MTUS1: variants seen among roughly 807,000 people sequenced by gnomAD.
MTUS1 encodes microtubule-associated tumor suppressor 1.
MTUS1 carries 109 observed loss-of-function variants against 120.8 expected under a neutral mutation model. The observed-to-expected ratio is 0.90, with a 90% CI of 0.77 to 1.06. The LOEUF (loss-of-function observed/expected upper bound fraction) is 1.06. Among genes scored for constraint, MTUS1 ranks in the 50% least tolerant of loss-of-function variants. MTUS1 has a pLI of 0.00. For missense variants in MTUS1, 2,210 were observed against 1,486.3 expected, an observed-to-expected ratio of 1.49 and a Z score of -8.01; for synonymous variants, 737 against 550.5, an observed-to-expected ratio of 1.34 and a Z score of -4.74.
intron 8 of MTUS1, among the ~76,000 whole-genome samples, chr8:17,657,349 A>G (rs1425204121): frequency 1.3e-5 from 2 of 151,608 alleles, no homozygotes; most frequent in Admixed American, 6.6e-5. Context: ...CGGGCGGATC[A>G]CGAGGTCAGG....
chr8:17,698,430 A>C (rs1818397000), intron 6 of MTUS1, among the ~76,000 whole-genome samples: 1 of 152,202 alleles, frequency 6.6e-6, no homozygotes, highest in African/African-American at 2.4e-5. Context: ...ATAAGAATTA[A>C]CAACAACAAT....
intron 7 of MTUS1, among the ~76,000 whole-genome samples, chr8:17,677,246 G>C (rs62496797): frequency 2.0e-5 from 3 of 152,064 alleles, no homozygotes; most frequent in Non-Finnish European, 2.9e-5. Context: ...AATACTTCTC[G>C]TAATATCAAA....
intron 3 of MTUS1, among the ~76,000 whole-genome samples, chr8:17,731,178 T>G (rs1481240129): frequency 1.3e-5 from 2 of 152,062 alleles, no homozygotes; most frequent in Admixed American, 6.6e-5. Flanking sequence ...ACATACTTAT[T>G]TGTGGTATTA....
At chr8:17,784,140 A>C (rs1213159887) in intron 1 of MTUS1, among the ~76,000 whole-genome samples, 1 of 152,186 alleles carries the variant, frequency 6.6e-6, no homozygotes, top group Non-Finnish European at 1.5e-5. Context: ...TCTCCTTTTG[A>C]TACTAACTTC....
At chr8:17,659,149 G>A (rs892987037) in intron 8 of MTUS1, among the ~76,000 whole-genome samples, 2 of 151,988 alleles carry the variant, frequency 1.3e-5, no homozygotes, top group Admixed American at 1.3e-4. Flanking sequence ...GGGTTTCGGT[G>A]AGCAGTCTGA....
At chr8:17,698,992 C>G (rs1433678049) in intron 6 of MTUS1, among the ~76,000 whole-genome samples, 2 of 152,246 alleles carry the variant, frequency 1.3e-5, no homozygotes, top group African/African-American at 4.8e-5. Flanking sequence ...CTTCCAGATT[C>G]TACATACTAA....
chr8:17,706,941 T>C (rs1020184054), intron 6 of MTUS1, among the ~76,000 whole-genome samples: 4 of 152,200 alleles, frequency 2.6e-5, no homozygotes, highest in East Asian at 1.9e-4. Flanking sequence ...TTTTTGAAGT[T>C]TGGCAAACTG....
intron 4 of MTUS1, among the ~76,000 whole-genome samples, chr8:17,719,935 T>C (rs573469896): frequency 7.2e-5 from 11 of 152,346 alleles, no homozygotes; most frequent in Admixed American, 3.9e-4. Context: ...AAATGTTTGT[T>C]GCTGCAAGGA....
intron 8 of MTUS1, among the ~76,000 whole-genome samples, chr8:17,664,686 G>A (rs910625862): frequency 1.3e-5 from 2 of 152,096 alleles, no homozygotes; most frequent in African/African-American, 4.8e-5. Context: ...AGCAGGAGGG[G>A]ACACTACATT....
At chr8:17,676,338 T>C in intron 7 of MTUS1, 2 of 703,030 alleles carry the variant, frequency 2.8e-6, no homozygotes, top group Non-Finnish European at 5.2e-6. Context: ...ATTTTCCAGC[T>C]TCTGTCTCCA....
intron 3 of MTUS1, among the ~76,000 whole-genome samples, chr8:17,730,258 C>T (rs991665727): frequency 9.2e-5 from 14 of 152,190 alleles, no homozygotes; most frequent in African/African-American, 3.4e-4. Context: ...CAGGGGATCA[C>T]CGGAGGCCAG....
chr8:17,760,806 GAA>G (rs201911502), intron 1 of MTUS1, among the ~76,000 whole-genome samples: 49,122 of 136,840 alleles, frequency 0.36, 8,772 homozygotes, highest in East Asian at 0.61. Flanking sequence ...GTGCTGGAGG[GAA>G]AAAAAAAAAA....
intron 1 of MTUS1, among the ~76,000 whole-genome samples, chr8:17,765,246 C>CA (rs2049384094): frequency 6.6e-6 from 1 of 152,176 alleles, no homozygotes; most frequent in South Asian, 2.1e-4. Flanking sequence ...GCTTTGCCCC[C>CA]TCGCCTGAAG....
chr8:17,752,978 A>C (rs2048311241), intron 2 of MTUS1, among the ~76,000 whole-genome samples: 1 of 152,212 alleles, frequency 6.6e-6, no homozygotes, highest in Non-Finnish European at 1.5e-5. Flanking sequence ...TCACCTTTAC[A>C]CTGCATGTGA....
At chr8:17,676,405 A>G (rs1813127674) in intron 7 of MTUS1, 1 of 698,740 alleles carries the variant, frequency 1.4e-6, no homozygotes, top group Non-Finnish European at 2.6e-6. Context: ...GCCACCCACC[A>G]GTCGGGTCTG....
At position 17,723,659 on chromosome 8, in the gene MTUS1, A is replaced by G. The variant is rs1381160540; in HGVS notation, c.2449+13T>C. On this transcript the variant is annotated intron_variant, in intron 4 of 14. Transcript: ENST00000693296. ...TTCCACAACCCCCGAAGTGTGATAT[A>G]AAGTCGACTTACAATTGTTGCTGTA... 4.4e-6 allele frequency: 7 copies of G among 1,605,180 alleles called. No individual in the cohort carries two copies. In the South Asian group the frequency reaches 6.6e-5, roughly 15 times the overall value.
intron 1 of MTUS1, among the ~76,000 whole-genome samples, chr8:17,790,638 T>G (rs1337581071): frequency 1.4e-4 from 21 of 152,176 alleles, no homozygotes; most frequent in Non-Finnish European, 1.5e-5. Context: ...TTAGAAAATG[T>G]GAAAATAAAC....
intron 1 of MTUS1, among the ~76,000 whole-genome samples, chr8:17,772,632 T>C (rs2050101629): frequency 6.6e-6 from 1 of 152,180 alleles, no homozygotes; most frequent in Admixed American, 6.5e-5. Context: ...GCAGATTAAG[T>C]TTTCCTACAA....
chr8:17,774,969 A>C (rs1181451048), intron 1 of MTUS1, among the ~76,000 whole-genome samples: 1 of 91,550 alleles, frequency 1.1e-5, no homozygotes, highest in Non-Finnish European at 2.3e-5. Flanking sequence ...AAATATTATA[A>C]GTAAAAAAAA....
Sources: gnomAD v4.1 joint callset for allele counts (sites outside exome capture counted in the v4.1 genomes callset) on GRCh38, gnomAD v4.1.1 for gene constraint, MANE v1.5 for transcripts, NCBI Gene and HGNC (gene_info 2026-07-23, HGNC 2026-07-21) for gene names.